The following METTL24 variants were observed in gnomAD, a reference collection of about 807,000 sequenced individuals.
METTL24 encodes the protein methyltransferase like 24.
Under a neutral mutation model 32.7 loss-of-function variants are expected in METTL24, and 29 were observed. The observed-to-expected ratio is 0.89, with a 90% CI of 0.66 to 1.21. The LOEUF (loss-of-function observed/expected upper bound fraction) is 1.21. METTL24 is among the 50% of genes most tolerant of loss of function. The pLI, the probability that METTL24 is intolerant of heterozygous loss-of-function variation, is 0.00. For synonymous variants in METTL24, 163 were observed against 179.5 expected, an observed-to-expected ratio of 0.91 and a Z score of 0.73; for missense variants, 439 against 468.1, an observed-to-expected ratio of 0.94 and a Z score of 0.57.
chr6:110,335,663 G>A (rs1234171586), intron 1 of METTL24, among the ~76,000 whole-genome samples: 1 of 142,106 alleles, frequency 7.0e-6, no homozygotes, highest in African/African-American at 2.6e-5. Flanking sequence ...CTGGACTCAA[G>A]TAATACTCCT....
chr6:110,300,255 C>T (rs1330850009), intron 3 of METTL24, among the ~76,000 whole-genome samples: 1 of 152,088 alleles, frequency 6.6e-6, no homozygotes, highest in Non-Finnish European at 1.5e-5. Flanking sequence ...ATTTTGGTAT[C>T]CGTTGGTGGG....
chr6:110,329,845 T>C (rs1321197800), intron 1 of METTL24, among the ~76,000 whole-genome samples: 10 of 152,176 alleles, frequency 6.6e-5, no homozygotes. Context: ...GTAAGCACAC[T>C]CCCACCCCGC....
chr6:110,288,194 C>A (rs574694991), intron 4 of METTL24, among the ~76,000 whole-genome samples: 1 of 152,246 alleles, frequency 6.6e-6, no homozygotes, highest in African/African-American at 2.4e-5. Context: ...AAGCCATAGT[C>A]ATGGGCAATG....
In METTL24 at chr6:110,306,153, T is replaced by G. The variant is rs1012166320; in HGVS notation, c.558-7003A>C. Among the ~76,000 whole-genome samples, 20 of 150,776 alleles carry G rather than the reference T, an allele frequency of 1.3e-4. No individual in the cohort carries two copies. The East Asian group carries it at 3.1e-3, about 24-fold the overall frequency. On this transcript the variant is annotated intron_variant, in intron 3 of 4. Coordinates refer to ENST00000338882, the MANE Select transcript of METTL24 (RefSeq NM_001123364.3). ...GGGAAACATCACACACCAGGGCCTG[T>G]TGGGGGGTGGGGGGCAAGGGGAGGG... is the stretch of plus-strand genomic sequence containing the variant.
intron 4 of METTL24, among the ~76,000 whole-genome samples, chr6:110,281,299 G>A (rs1443724824): frequency 1.3e-5 from 2 of 152,054 alleles, no homozygotes; most frequent in African/African-American, 4.8e-5. Context: ...GGAAAGTAGT[G>A]GAAAATAAAG....
chr6:110,339,637 G>A (rs1772312657), intron 1 of METTL24, among the ~76,000 whole-genome samples: 1 of 152,116 alleles, frequency 6.6e-6, no homozygotes, highest in Non-Finnish European at 1.5e-5. Flanking sequence ...TCCAGCCAGG[G>A]GCAATACACA....
At chr6:110,343,380 A>T (rs1388206943) in intron 1 of METTL24, among the ~76,000 whole-genome samples, 1 of 152,274 alleles carries the variant, frequency 6.6e-6, no homozygotes, top group Admixed American at 6.5e-5. Context: ...CAATGAACAT[A>T]TAATGAGTGC....
rs556113314 is a variant in METTL24 at position 110,327,762 on chromosome 6, T to C, written c.319-4890A>G. On this transcript the variant is annotated intron_variant, in intron 1 of 4. Coordinates refer to ENST00000338882, the MANE Select transcript of METTL24 (RefSeq NM_001123364.3). ...TTCTCTGAGCACCTTAAAACGTCAA[T>C]GGCAGGTTAAATAGAAAAGGACAAA... Among the ~76,000 whole-genome samples the C allele has an allele frequency of 8.5e-4, 129 of 152,346 alleles. 3 individuals are homozygous for C. In the South Asian group the frequency reaches 0.026, roughly 30 times the overall value.
chr6:110,310,723 G>T (rs1182128535), intron 3 of METTL24, among the ~76,000 whole-genome samples: 3 of 152,174 alleles, frequency 2.0e-5, no homozygotes, highest in Non-Finnish European at 4.4e-5. Context: ...GGAATAAAAA[G>T]CTTTGACTCC....
At chr6:110,260,010 G>A (rs1197139271) in intron 4 of METTL24, among the ~76,000 whole-genome samples, 5 of 152,106 alleles carry the variant, frequency 3.3e-5, no homozygotes, top group African/African-American at 1.2e-4. Flanking sequence ...CCACAAAGAT[G>A]GGGAAAAAAC....
At position 110,343,101 on chromosome 6, in the gene METTL24, GAACCCTAACGTTT is replaced by G. The variant is rs150073225; in HGVS notation, c.318+14841_318+14853del. On this transcript the variant is annotated intron_variant, in intron 1 of 4. Coordinates refer to ENST00000338882, the MANE Select transcript of METTL24 (RefSeq NM_001123364.3). ...TGCTGGGTCATTTCTGAGCACTTTT[GAACCCTAACGTTT>G]ATGTCATCACCCTCCGTGTACCCAT... 9.9e-3 allele frequency among the ~76,000 whole-genome samples: 1,500 copies of G among 152,178 alleles called. 23 individuals carry two copies. Among genetic ancestry groups the G allele is most frequent in the African/African-American group, 0.033 (1,374 of 41,504 alleles).
chr6:110,298,846 A>G (rs769060207), intron 4 of METTL24, 76 bp downstream of exon 4: 11 of 1,273,360 alleles, frequency 8.6e-6, no homozygotes, highest in Non-Finnish European at 1.1e-5. Flanking sequence ...CAATGTTGCT[A>G]TTCTTGGTTT....
chr6:110,295,361 G>C (rs1384229695), intron 4 of METTL24, among the ~76,000 whole-genome samples: 2 of 152,138 alleles, frequency 1.3e-5, no homozygotes, highest in Non-Finnish European at 2.9e-5. Flanking sequence ...CCCAGCCAAG[G>C]GAGGCAGAAA....
At chr6:110,302,512 C>G in intron 3 of METTL24, among the ~76,000 whole-genome samples, 1 of 105,172 alleles carries the variant, frequency 9.5e-6, no homozygotes, top group South Asian at 3.0e-4. Context: ...TACACATATA[C>G]ACACACATAT....
chr6:110,281,619 A>G (rs1185009602), intron 4 of METTL24, among the ~76,000 whole-genome samples: 1 of 151,666 alleles, frequency 6.6e-6, no homozygotes, highest in Non-Finnish European at 1.5e-5. Flanking sequence ...ACTGCACTCC[A>G]GCCTGAGCGA....
intron 4 of METTL24, among the ~76,000 whole-genome samples, chr6:110,280,248 G>A (rs1359566893): frequency 6.6e-6 from 1 of 152,100 alleles, no homozygotes; most frequent in Non-Finnish European, 1.5e-5. Context: ...ATTTCTCAAA[G>A]ACCTGTGCCT....
At chr6:110,306,963 G>A (rs1771637556) in intron 3 of METTL24, among the ~76,000 whole-genome samples, 1 of 152,186 alleles carries the variant, frequency 6.6e-6, no homozygotes, top group Non-Finnish European at 1.5e-5. Flanking sequence ...CGCTCCATGA[G>A]GAAAAGGGCT....
chr6:110,353,393 T>G (rs949933780), intron 1 of METTL24, among the ~76,000 whole-genome samples: 2 of 147,240 alleles, frequency 1.4e-5, no homozygotes, highest in Non-Finnish European at 3.0e-5. Flanking sequence ...TAAGGACTCT[T>G]AAGGCAGTTG....
At chr6:110,265,077 A>T (rs1430191079) in intron 4 of METTL24, among the ~76,000 whole-genome samples, 1 of 151,688 alleles carries the variant, frequency 6.6e-6, no homozygotes, top group Non-Finnish European at 1.5e-5. Context: ...CACATGTAAC[A>T]AACCTGCATG....
Sources: allele counts gnomAD v4.1 joint callset (sites outside exome capture counted in the v4.1 genomes callset), GRCh38; gene constraint gnomAD v4.1.1; transcripts MANE v1.5; gene names NCBI Gene and HGNC (gene_info 2026-07-23, HGNC 2026-07-21).